The following GALNT17 variants were observed in gnomAD, a reference collection of about 807,000 sequenced individuals.
GALNT17 encodes polypeptide N-acetylgalactosaminyltransferase 17.
GALNT17 carries 29 observed loss-of-function variants against 63.7 expected under a neutral mutation model. The observed-to-expected ratio is 0.46, with a 90% CI of 0.34 to 0.62. GALNT17 has a LOEUF of 0.62. Among genes scored for constraint, GALNT17 ranks in the 20% least tolerant of loss-of-function variants. The probability of loss-of-function intolerance (pLI) is 0.01; values close to 1 mark genes in which losing one functional copy is unlikely to be tolerated. For missense variants in GALNT17, 603 were observed against 799.6 expected, an observed-to-expected ratio of 0.75 and a Z score of 2.97; for synonymous variants, 305 against 318.3, an observed-to-expected ratio of 0.96 and a Z score of 0.45.
At chr7:71,690,687 A>G (rs753213113) in intron 9 of GALNT17, among the ~76,000 whole-genome samples, 32 of 152,352 alleles carry the variant, frequency 2.1e-4, no homozygotes, top group Admixed American at 2.0e-3. Flanking sequence ...CAAAATAGCA[A>G]CATGAACAGG....
chr7:71,526,294 C>CTG (rs953298297), intron 5 of GALNT17, among the ~76,000 whole-genome samples: 3 of 152,144 alleles, frequency 2.0e-5, no homozygotes, highest in African/African-American at 7.2e-5. Flanking sequence ...TTCCTTTTCT[C>CTG]TGTCAAAAAC....
intron 7 of GALNT17, among the ~76,000 whole-genome samples, chr7:71,668,389 GC>G (rs1326039143): frequency 1.3e-5 from 2 of 151,844 alleles, no homozygotes; most frequent in Non-Finnish European, 2.9e-5. Flanking sequence ...GGTGGCGCAT[GC>G]CTTTAATTCC....
chr7:71,327,520 A>T (rs1791725771), intron 1 of GALNT17, among the ~76,000 whole-genome samples: 1 of 152,188 alleles, frequency 6.6e-6, no homozygotes, highest in South Asian at 2.1e-4. Flanking sequence ...TACAATTAAA[A>T]ATGAGATTTG....
intron 1 of GALNT17, among the ~76,000 whole-genome samples, chr7:71,323,283 G>A (rs1211208966): frequency 6.6e-6 from 1 of 152,138 alleles, no homozygotes; most frequent in Non-Finnish European, 1.5e-5. Flanking sequence ...CAAGGTGGTG[G>A]ACTCTTTGTC....
chr7:71,488,924 T>C (rs1312028120), intron 5 of GALNT17, among the ~76,000 whole-genome samples: 1 of 117,886 alleles, frequency 8.5e-6, no homozygotes, highest in Non-Finnish European at 1.7e-5. Flanking sequence ...GAGACAGTCT[T>C]GCTTTGTTGC....
rs1314218547 is a variant in GALNT17, at chr7:71,179,462, C to T, written c.238+46422C>T. Among the ~76,000 whole-genome samples the T allele has an allele frequency of 2.0e-5, 3 of 152,250 alleles. No homozygotes were observed. The East Asian group carries it at 5.8e-4, about 29-fold the overall frequency. On this transcript the variant is annotated intron_variant, in intron 1 of 10. Transcript: ENST00000333538. ...CTGTGTCACAGGCATGCATCCTCAA[C>T]TTTGGCAGAATAAACTTTCTAAATA... is the stretch of plus-strand genomic sequence containing the variant.
chr7:71,702,915 G>C (rs1019053952), intron 9 of GALNT17, among the ~76,000 whole-genome samples: 2 of 152,184 alleles, frequency 1.3e-5, no homozygotes, highest in Non-Finnish European at 2.9e-5. Flanking sequence ...ATGGGTGATG[G>C]TGGTTACACA....
intron 5 of GALNT17, among the ~76,000 whole-genome samples, chr7:71,424,008 G>C (rs1786713099): frequency 6.6e-6 from 1 of 152,178 alleles, no homozygotes; most frequent in Non-Finnish European, 1.5e-5. Flanking sequence ...TTTGAGTAGA[G>C]CATGGGCAAA....
intron 8 of GALNT17, among the ~76,000 whole-genome samples, chr7:71,675,182 CAAAAATA>C (rs1437357750): frequency 1.3e-5 from 2 of 151,900 alleles, no homozygotes; most frequent in South Asian, 2.1e-4. Flanking sequence ...GACTCCGTCT[CAAAAATA>C]AAAAATAAAA....
intron 5 of GALNT17, among the ~76,000 whole-genome samples, chr7:71,513,337 T>G (rs1788393403): frequency 6.6e-6 from 1 of 152,138 alleles, no homozygotes; most frequent in African/African-American, 2.4e-5. Flanking sequence ...TGAACGATTA[T>G]CAACTCATGG....
chr7:71,453,221 A>G (rs960338822), intron 5 of GALNT17, among the ~76,000 whole-genome samples: 1 of 152,210 alleles, frequency 6.6e-6, no homozygotes, highest in East Asian at 1.9e-4. Context: ...AACATCATTC[A>G]TAATTATATT....
chr7:71,521,116 C>T (rs1358849370), intron 5 of GALNT17, among the ~76,000 whole-genome samples: 6 of 152,188 alleles, frequency 3.9e-5, no homozygotes, highest in Admixed American at 2.6e-4. Context: ...TCATTGAACA[C>T]GTGTGTGCAC....
At chr7:71,526,583 G>A (rs1185563626) in intron 5 of GALNT17, among the ~76,000 whole-genome samples, 2 of 151,956 alleles carry the variant, frequency 1.3e-5, no homozygotes, top group African/African-American at 2.4e-5. Context: ...GCAGTGGCAC[G>A]ATCTTGGCAC....
chr7:71,170,864 A>G (rs1214764329), intron 1 of GALNT17, among the ~76,000 whole-genome samples: 3 of 152,222 alleles, frequency 2.0e-5, no homozygotes, highest in Non-Finnish European at 4.4e-5. Flanking sequence ...TTGATTAAAC[A>G]AATGCCATTT....
chr7:71,323,770 C>T (rs1563002881), intron 1 of GALNT17, among the ~76,000 whole-genome samples: 1 of 152,352 alleles, frequency 6.6e-6, no homozygotes, highest in East Asian at 1.9e-4. Flanking sequence ...CTCATTCATT[C>T]ATTGACTCAC....
chr7:71,334,804 T>G (rs1791869189), intron 1 of GALNT17, among the ~76,000 whole-genome samples: 1 of 152,176 alleles, frequency 6.6e-6, no homozygotes, highest in Admixed American at 6.5e-5. Context: ...AAAATTTAAA[T>G]AAAACCATTA....
intron 6 of GALNT17, among the ~76,000 whole-genome samples, chr7:71,634,468 T>C (rs953873727): frequency 1.3e-5 from 2 of 152,030 alleles, no homozygotes; most frequent in Non-Finnish European, 2.9e-5. Flanking sequence ...ATTTAAGAAA[T>C]ATAAGCCAGG....
chr7:71,511,246 G>C (rs568792976), intron 5 of GALNT17, among the ~76,000 whole-genome samples: 1 of 152,130 alleles, frequency 6.6e-6, no homozygotes, highest in East Asian at 1.9e-4. Context: ...CAGTGGGTTC[G>C]AATGCACAGA....
At chr7:71,192,359 C>T (rs1234551746) in intron 1 of GALNT17, among the ~76,000 whole-genome samples, 2 of 152,010 alleles carry the variant, frequency 1.3e-5, no homozygotes, top group East Asian at 3.9e-4. Flanking sequence ...TAAGTTGACA[C>T]TCAATACTAA....
Sources: allele counts gnomAD v4.1 joint callset (sites outside exome capture counted in the v4.1 genomes callset), GRCh38; gene constraint gnomAD v4.1.1; transcripts MANE v1.5; gene names NCBI Gene and HGNC (gene_info 2026-07-23, HGNC 2026-07-21).